ZNF846: variants seen among roughly 807,000 people sequenced by gnomAD.
ZNF846 encodes the protein zinc finger protein 420 pseudogene.
In ZNF846, 15 loss-of-function variants were observed where a neutral mutation model predicts 16.0. The ratio of observed to expected loss-of-function variants is 0.94; its 90% CI spans 0.63 to 1.45. ZNF846 has a LOEUF of 1.45. Among genes scored for constraint, ZNF846 ranks in the 40% most tolerant of loss-of-function variants. The pLI is 0.00. For synonymous variants in ZNF846, 229 were observed against 212.0 expected (o/e 1.08, Z -0.70); for missense variants, 714 against 622.3 (o/e 1.15, Z -1.57).
chr19:9,762,095 T>C (rs1484146304), exon 4 of ZNF846: 1 of 1,613,910 alleles, frequency 6.2e-7, no homozygotes, highest in East Asian at 2.2e-5. Flanking sequence ...GCAGAACTCC[T>C]GTCACTCCTG....
At chr19:9,765,021 C>T (rs1311523982) in exon 2 of ZNF846, 3 of 1,567,870 alleles carry the variant, frequency 1.9e-6, no homozygotes, top group Non-Finnish European at 2.6e-6. Context: ...CAGAAAGTGT[C>T]CTGGAAAAAA....
chr19:9,765,141 G>C lies in ZNF846; in HGVS notation c.-85-106C>G. The stretch of plus-strand genomic sequence containing the variant: ...TAATCCCAGCACTTTGGGAGGCCAA[G>C]GTAGGCGAATCACTTGAGGTCAGGA... On this transcript the variant is annotated intron_variant, in intron 1 of 5. Transcript: ENST00000397902. 6.5e-6 allele frequency: 4 copies of C among 613,088 alleles called. No individual in the cohort carries two copies. In the Admixed American group the frequency reaches 1.0e-4, roughly 16 times the overall value. 38.0% of individuals were successfully genotyped at this position (613,088 alleles called of 1,614,324 possible). A position where few individuals can be genotyped will look rare whatever the true frequency, so the allele number is the denominator to read the frequency against.
downstream of ZNF846, among the ~76,000 whole-genome samples, chr19:9,751,379 T>A (rs1198451555): frequency 2.6e-5 from 4 of 152,130 alleles, no homozygotes; most frequent in Non-Finnish European, 4.4e-5. Flanking sequence ...ATTCTTATTT[T>A]ATTTATTATT....
chr19:9,763,390 C>T (rs751815360), exon 3 of ZNF846: 3 of 1,609,704 alleles, frequency 1.9e-6, no homozygotes, highest in East Asian at 2.2e-5. Flanking sequence ...ACAGCCACAT[C>T]CTCAAAGGTC....
At chr19:9,758,482 C>T in exon 6 of ZNF846, 1 of 1,613,544 alleles carries the variant, frequency 6.2e-7, no homozygotes, top group Non-Finnish European at 8.5e-7. Context: ...TCTTTGCATT[C>T]ACACAATTTC....
rs777637476 is a variant in ZNF846, at chr19:9,763,426, T to C, written c.16-18A>G. The C allele has an allele frequency of 3.8e-6, 6 of 1,580,846 alleles. No individual in the cohort carries two copies. The highest frequency in any genetic ancestry group is 1.2e-5 in the South Asian group (1 of 85,644). Reference sequence around the variant, plus strand: ...ACTAAGTGCTAAACCATTAAATACATGCCAGCTTCAGCTAAGTACCATCTC... The same window carrying C: ...ACTAAGTGCTAAACCATTAAATACACGCCAGCTTCAGCTAAGTACCATCTC... On this transcript the variant is annotated intron_variant, in intron 2 of 5. Coordinates refer to ENST00000397902, the Ensembl canonical transcript of ZNF846.
downstream of ZNF846, chr19:9,755,721 A>G (rs1282499791): frequency 2.4e-5 from 3 of 122,546 alleles, no homozygotes; most frequent in African/African-American, 9.4e-5. Context: ...AATGGCGTGA[A>G]CCCGGGAGGC....
rs138307309 is a variant in ZNF846, at chr19:9,762,710, GGAA to G, written c.143-545_143-543del. ...TCTTTTGGCTTCCGTGGGCCACACT[GGAA>G]GAAGAAGAATGGCCTTGGACCACAT... On this transcript the variant is annotated intron_variant, in intron 3 of 5. Transcript: ENST00000397902. 1.0e-3 allele frequency among the ~76,000 whole-genome samples: 152 copies of G among 152,282 alleles called. 1 individual carries two copies. The East Asian group carries it at 0.012, about 12-fold the overall frequency.
downstream of ZNF846, chr19:9,756,345 G>GTATATA (rs369347660): frequency 8.4e-3 from 686 of 81,638 alleles, 2 homozygotes; most frequent in Middle Eastern, 0.014. Flanking sequence ...GTGTGTGTGT[G>GTATATA]TATATATATA....
intron 1 of ZNF846, among the ~76,000 whole-genome samples, chr19:9,781,647 A>G (rs2045502468): frequency 1.3e-5 from 2 of 152,150 alleles, no homozygotes; most frequent in Admixed American, 6.6e-5. Flanking sequence ...AAAATCCCAG[A>G]TCCCACAAAA....
At chr19:9,768,370 G>A (rs2045351235) in exon 1 of ZNF846, 1 of 152,222 alleles carries the variant, frequency 6.6e-6, no homozygotes, top group Non-Finnish European at 1.5e-5. Context: ...TTTTCCTTCT[G>A]GAGAAAGGAC....
chr19:9,775,004 T>G, intron 1 of ZNF846: 4 of 1,556,160 alleles, frequency 2.6e-6, no homozygotes, highest in Non-Finnish European at 3.5e-6. Context: ...AGAGGCCCCA[T>G]GCAGTGCATT....
chr19:9,759,481 T>A (rs2045187258), intron 5 of ZNF846, among the ~76,000 whole-genome samples: 1 of 151,166 alleles, frequency 6.6e-6, no homozygotes, highest in South Asian at 2.1e-4. Flanking sequence ...CTCATGCCTG[T>A]AGTCTCAGCT....
At chr19:9,758,436 T>G (rs1274322834) in exon 6 of ZNF846, 1 of 1,612,982 alleles carries the variant, frequency 6.2e-7, no homozygotes, top group Non-Finnish European at 8.5e-7. Flanking sequence ...TATATGTAAC[T>G]TAAGGGATGA....
intron 1 of ZNF846, among the ~76,000 whole-genome samples, chr19:9,783,538 A>ATATATATATATAT (rs1214845852): frequency 2.1e-4 from 24 of 115,460 alleles, no homozygotes; most frequent in African/African-American, 3.0e-4. Flanking sequence ...AAAAAAAAAA[A>ATATATATATATAT]AAAAAAATAT....
chr19:9,760,468 A>G (rs2045207025), intron 4 of ZNF846, among the ~76,000 whole-genome samples: 2 of 151,238 alleles, frequency 1.3e-5, no homozygotes, highest in Non-Finnish European at 2.9e-5. Context: ...TGGGAGGTCA[A>G]GGTAGGTGGA....
chr19:9,772,764 T>C (rs1185576769), upstream of ZNF846, among the ~76,000 whole-genome samples: 2 of 152,114 alleles, frequency 1.3e-5, no homozygotes, highest in Non-Finnish European at 2.9e-5. Context: ...GCAGTATTAG[T>C]GCAGTTATTA....
intron 1 of ZNF846, among the ~76,000 whole-genome samples, chr19:9,784,367 G>A (rs533137287): frequency 6.6e-6 from 1 of 152,354 alleles, no homozygotes; most frequent in African/African-American, 2.4e-5. Context: ...GAACGGTGCT[G>A]TGCCTGGATG....
chr19:9,760,031 C>T (rs565171665), intron 4 of ZNF846, 89 bp from the exon 5 acceptor site: 3 of 926,556 alleles, frequency 3.2e-6, no homozygotes, highest in African/African-American at 1.7e-5. Flanking sequence ...GTGGCTCACA[C>T]CTGTAATCCT....
Sources: allele counts gnomAD v4.1 joint callset (sites outside exome capture counted in the v4.1 genomes callset), GRCh38; gene constraint gnomAD v4.1.1; transcripts MANE v1.5; gene names NCBI Gene and HGNC (gene_info 2026-07-23, HGNC 2026-07-21).